Variants in PICALM observed in about 807,000 individuals in gnomAD.
PICALM encodes the protein phosphatidylinositol-binding clathrin assembly protein.
PICALM carries 40 observed loss-of-function variants against 80.5 expected under a neutral mutation model. The observed-to-expected ratio is 0.50, with a 90% CI of 0.39 to 0.65. PICALM has a LOEUF of 0.65. Ranked by LOEUF, PICALM falls within the 30% of genes least tolerant of loss-of-function variation. The pLI, the probability that PICALM is intolerant of heterozygous loss-of-function variation, is 0.00. For synonymous variants in PICALM, 288 were observed against 260.3 expected (o/e 1.11, Z -1.02); for missense variants, 676 against 778.9 (o/e 0.87, Z 1.57).
intron 2 of PICALM, among the ~76,000 whole-genome samples, chr11:86,027,548 A>G (rs1268197638): frequency 4.7e-5 from 7 of 148,616 alleles, no homozygotes; most frequent in African/African-American, 1.8e-4. Context: ...TCCAGGCTGG[A>G]GTACAGTGGT....
intron 13 of PICALM, among the ~76,000 whole-genome samples, chr11:85,987,273 T>C (rs1320777901): frequency 1.3e-5 from 2 of 152,228 alleles, no homozygotes; most frequent in East Asian, 3.8e-4. Context: ...TTACATAATG[T>C]ACCCAAGGTC....
intron 7 of PICALM, among the ~76,000 whole-genome samples, chr11:86,008,661 A>T (rs2136227713): frequency 6.6e-6 from 1 of 152,218 alleles, no homozygotes; most frequent in African/African-American, 2.4e-5. Flanking sequence ...TATTACTCAG[A>T]TGTTACTAAT....
intron 7 of PICALM, among the ~76,000 whole-genome samples, chr11:86,010,788 AG>A (rs1366994569): frequency 1.3e-5 from 2 of 152,236 alleles, no homozygotes; most frequent in Non-Finnish European, 2.9e-5. Context: ...AATTTTATAG[AG>A]AAGTAAACAA....
At chr11:85,994,875 T>C (rs2094909045) in intron 12 of PICALM, among the ~76,000 whole-genome samples, 5 of 152,216 alleles carry the variant, frequency 3.3e-5, no homozygotes. Context: ...GGCTAATTTT[T>C]GTATTTTTAG....
chr11:86,018,150 T>G (rs990436901), intron 4 of PICALM, among the ~76,000 whole-genome samples: 8 of 152,316 alleles, frequency 5.3e-5, no homozygotes, highest in Non-Finnish European at 1.0e-4. Context: ...CTAAAAAAGC[T>G]TGTGAGTTCT....
In PICALM at chr11:85,957,489, A is replaced by G. The variant is rs780975003; in HGVS notation, c.*1557T>C. ...TTTTAATAAGTAGTTGCATTTATCA[A>G]TAAGAGTCTACAAGGTAACAAAAAG... On this transcript the variant is annotated 3_prime_UTR_variant, in exon 20 of 20. Transcript: ENST00000393346. Among the ~76,000 whole-genome samples the G allele has an allele frequency of 2.0e-5, 3 of 152,250 alleles. No individual in the cohort carries two copies. The highest frequency in any genetic ancestry group is 4.8e-5 in the African/African-American group (2 of 41,472).
chr11:86,042,980 G>C (rs2096002174), intron 1 of PICALM, among the ~76,000 whole-genome samples: 1 of 152,278 alleles, frequency 6.6e-6, no homozygotes, highest in South Asian at 2.1e-4. Flanking sequence ...CTGGAGAAAA[G>C]TACGTTATTA....
At chr11:86,028,145 T>C (rs898657187) in intron 2 of PICALM, among the ~76,000 whole-genome samples, 4 of 152,336 alleles carry the variant, frequency 2.6e-5, no homozygotes, top group East Asian at 1.9e-4. Flanking sequence ...AAGACATATA[T>C]GGCTTTAATC....
chr11:86,068,848 G>C lies in PICALM; in HGVS notation c.-68C>G. ...GGGACTGGGACCCCCAAGAGCCGGA[G>C]GGTCCCCACCCCCCACCGCACCCCC... On this transcript the variant is annotated 5_prime_UTR_variant, in exon 1 of 20. Coordinates refer to ENST00000393346, the MANE Select transcript of PICALM (RefSeq NM_007166.4). The C allele has an allele frequency of 6.6e-7, 1 of 1,505,808 alleles. No homozygotes were observed. Among genetic ancestry groups the C allele is most frequent in the Non-Finnish European group, 8.8e-7 (1 of 1,130,254 alleles). The allele number at this position is 1,505,808 out of a possible 1,614,324, so 93.3% of individuals were successfully genotyped here. A position where few individuals can be genotyped will look rare whatever the true frequency, so the allele number is the denominator to read the frequency against.
chr11:85,981,837 A>G, intron 15 of PICALM, 35 bp downstream of exon 15: 1 of 1,612,466 alleles, frequency 6.2e-7, no homozygotes, highest in Non-Finnish European at 8.5e-7. Flanking sequence ...ATAAAACAAC[A>G]TAAAAGAAGA....
chr11:86,066,880 C>T (rs1039077180), intron 1 of PICALM, among the ~76,000 whole-genome samples: 2 of 152,074 alleles, frequency 1.3e-5, no homozygotes, highest in Non-Finnish European at 2.9e-5. Context: ...GTCTACTACA[C>T]GTATCAGATA....
chr11:85,968,161 A>G (rs1372004505), intron 19 of PICALM, among the ~76,000 whole-genome samples: 2 of 152,280 alleles, frequency 1.3e-5, no homozygotes, highest in Admixed American at 6.5e-5. Context: ...CTTGCTCTAC[A>G]AAAAATTAAA....
At chr11:86,039,402 T>TA (rs1209885431) in intron 1 of PICALM, among the ~76,000 whole-genome samples, 8 of 150,540 alleles carry the variant, frequency 5.3e-5, no homozygotes, top group East Asian at 3.9e-4. Flanking sequence ...ACTCTGTGTC[T>TA]AAAAAAAAAT....
rs769109513 is a variant in PICALM at position 86,026,335 on chromosome 11, C to T, written c.306G>A (p.Thr102=). ...CCAAAAAATTGCTTAAGTTAAACAA[C>T]GTGTTTCTTGAAGCCAAATACTGAA... ...RFIQYLASRN[T]LFNLSNFLDK... is the part of the protein sequence containing the mutation. The change falls in exon 3 of 20, where the codon ACG becomes ACA. Residue 102 remains threonine (T), a synonymous_variant. Transcript: ENST00000393346. 1.6e-5 allele frequency: 25 copies of T among 1,603,532 alleles called. No individual in the cohort carries two copies. The highest frequency in any genetic ancestry group is 6.7e-5 in the Admixed American group (4 of 59,434).
chr11:85,982,191 G>A (rs1044819078), intron 14 of PICALM, 188 bp from the exon 15 acceptor site: 1 of 544,426 alleles, frequency 1.8e-6, no homozygotes, highest in African/African-American at 1.9e-5. Flanking sequence ...GACTGAGAAG[G>A]CTGTATTTGC....
chr11:86,054,958 C>T (rs2096246944), intron 1 of PICALM, among the ~76,000 whole-genome samples: 1 of 152,026 alleles, frequency 6.6e-6, no homozygotes, highest in South Asian at 2.1e-4. Context: ...ATAATATTTT[C>T]TGGACTGTCA....
At chr11:86,046,575 C>T (rs677869) in intron 1 of PICALM, among the ~76,000 whole-genome samples, 106,517 of 151,718 alleles carry the variant, frequency 0.7, 37,664 homozygotes, top group African/African-American at 0.81. Flanking sequence ...AATACACTGT[C>T]ATGAAAATAG....
At chr11:85,997,033 G>GAA in intron 11 of PICALM, 104 bp from the exon 12 acceptor site, 1 of 611,794 alleles carries the variant, frequency 1.6e-6, no homozygotes, top group Non-Finnish European at 2.9e-6. Flanking sequence ...AAACAAGGGA[G>GAA]AAAAGTCTCA....
intron 17 of PICALM, chr11:85,977,961 A>G: frequency 1.2e-6 from 1 of 817,196 alleles, no homozygotes; most frequent in South Asian, 1.5e-5. Flanking sequence ...GGCACATTGA[A>G]AATCTGAATG....
Sources: gnomAD v4.1 joint callset for allele counts (sites outside exome capture counted in the v4.1 genomes callset) on GRCh38, gnomAD v4.1.1 for gene constraint, MANE v1.5 for transcripts, NCBI Gene and HGNC (gene_info 2026-07-23, HGNC 2026-07-21) for gene names.